The following KLHL29 variants were observed in gnomAD, a reference collection of about 807,000 sequenced individuals.
KLHL29 encodes kelch like family member 29, also known as kelch-like protein 29.
KLHL29 carries 21 observed loss-of-function variants against 80.4 expected under a neutral mutation model. The ratio of observed to expected loss-of-function variants is 0.26; its 90% CI spans 0.19 to 0.38. The LOEUF (loss-of-function observed/expected upper bound fraction) is 0.38. Among genes scored for constraint, KLHL29 ranks in the 10% least tolerant of loss-of-function variants. The probability of loss-of-function intolerance (pLI) is 1.00; values close to 1 mark genes in which losing one functional copy is unlikely to be tolerated. For synonymous variants in KLHL29, 511 were observed against 526.8 expected, an observed-to-expected ratio of 0.97 and a Z score of 0.41; for missense variants, 867 against 1,223.9, an observed-to-expected ratio of 0.71 and a Z score of 4.35.
intron 5 of KLHL29, among the ~76,000 whole-genome samples, chr2:23,683,321 C>T (rs553442895): frequency 7.9e-5 from 12 of 152,356 alleles, no homozygotes; most frequent in Admixed American, 7.2e-4. Context: ...GTCATTCTGG[C>T]CCAAGGATCA....
chr2:23,542,448 A>G (rs773479492), intron 2 of KLHL29, among the ~76,000 whole-genome samples: 3 of 152,008 alleles, frequency 2.0e-5, no homozygotes, highest in African/African-American at 2.4e-5. Flanking sequence ...CTCTCCCTCT[A>G]TCTCTTGTTC....
chr2:23,626,650 C>G lies in KLHL29; in HGVS notation c.286-12489C>G, dbSNP rs1669315444. Among the ~76,000 whole-genome samples, 3 of 152,222 alleles carry G rather than the reference C, an allele frequency of 2.0e-5. No homozygotes were observed. The South Asian group carries it at 6.2e-4, about 32-fold the overall frequency. On this transcript the variant is annotated intron_variant, in intron 3 of 13. Coordinates refer to ENST00000486442, the MANE Select transcript of KLHL29 (RefSeq NM_052920.2). ...GTGTCTCCAGAACAGGATTGCCTCT[C>G]AGTAAGTGTGGGGTGGGAGGGGGGC...
intron 3 of KLHL29, among the ~76,000 whole-genome samples, chr2:23,580,670 G>A (rs1444086439): frequency 1.5e-5 from 1 of 67,366 alleles, no homozygotes; most frequent in African/African-American, 3.6e-5. Flanking sequence ...GTGAGACTCC[G>A]TCTCATAAAA....
intron 6 of KLHL29, among the ~76,000 whole-genome samples, chr2:23,686,801 G>C (rs1001456911): frequency 1.3e-5 from 2 of 152,150 alleles, no homozygotes; most frequent in Admixed American, 1.3e-4. Flanking sequence ...GGGCTGGGGG[G>C]CCTTCAGCAT....
chr2:23,444,030 C>T (rs2103416959), intron 1 of KLHL29, among the ~76,000 whole-genome samples: 1 of 152,200 alleles, frequency 6.6e-6, no homozygotes, highest in East Asian at 1.9e-4. Context: ...GTAAGGAAGA[C>T]CTCATGTCTC....
At position 23,458,595 on chromosome 2, in the gene KLHL29, C is replaced by T. The variant is rs537240341; in HGVS notation, c.-153-16965C>T. On this transcript the variant is annotated intron_variant, in intron 1 of 13. Coordinates refer to ENST00000486442, the MANE Select transcript of KLHL29 (RefSeq NM_052920.2). Reference sequence around the variant, plus strand: ...AATTATAATTATGAACACGTGTTCTCATAGCTCTACAGCCAGGATGGTATG... The same window carrying T: ...AATTATAATTATGAACACGTGTTCTTATAGCTCTACAGCCAGGATGGTATG... 3.3e-5 allele frequency among the ~76,000 whole-genome samples: 5 copies of T among 152,324 alleles called. No individual in the cohort carries two copies. The South Asian group carries it at 1.0e-3, about 32-fold the overall frequency.
At chr2:23,592,233 A>C (rs1286727756) in intron 3 of KLHL29, among the ~76,000 whole-genome samples, 1 of 119,444 alleles carries the variant, frequency 8.4e-6, no homozygotes, top group Non-Finnish European at 1.7e-5. Flanking sequence ...GGAGCACGTC[A>C]GAAGCCCGGC....
chr2:23,597,401 A>T (rs370058997), intron 3 of KLHL29, among the ~76,000 whole-genome samples: 1 of 55,290 alleles, frequency 1.8e-5, no homozygotes, highest in Non-Finnish European at 3.4e-5. Flanking sequence ...ATATATATAT[A>T]TATATATTTT....
At chr2:23,509,829 T>C (rs1247406068) in intron 2 of KLHL29, among the ~76,000 whole-genome samples, 1 of 152,186 alleles carries the variant, frequency 6.6e-6, no homozygotes, top group African/African-American at 2.4e-5. Flanking sequence ...AGCGGCTGGG[T>C]GCTGCTTTTG....
chr2:23,509,723 A>G (rs1665713007), intron 2 of KLHL29, among the ~76,000 whole-genome samples: 1 of 152,174 alleles, frequency 6.6e-6, no homozygotes. Context: ...GAGTAATCCT[A>G]CACAAGAGAA....
At chr2:23,411,729 T>C (rs1232448704) in intron 1 of KLHL29, among the ~76,000 whole-genome samples, 1 of 152,192 alleles carries the variant, frequency 6.6e-6, no homozygotes, top group African/African-American at 2.4e-5. Context: ...TTCCCAGATG[T>C]GGGCATGGCA....
At chr2:23,564,324 G>A (rs1224577991) in intron 3 of KLHL29, among the ~76,000 whole-genome samples, 1 of 152,210 alleles carries the variant, frequency 6.6e-6, no homozygotes, top group African/African-American at 2.4e-5. Flanking sequence ...GAGAGGAAGG[G>A]AACCCAGTCT....
At chr2:23,683,343 G>A (rs75100976) in intron 5 of KLHL29, among the ~76,000 whole-genome samples, 5,846 of 152,336 alleles carry the variant, frequency 0.038, 137 homozygotes, top group Non-Finnish European at 0.049. Flanking sequence ...GGCCTCTGAC[G>A]CGCAGCTGCC....
chr2:23,551,970 G>A (rs1301949813), intron 2 of KLHL29, among the ~76,000 whole-genome samples: 1 of 152,252 alleles, frequency 6.6e-6, no homozygotes, highest in Admixed American at 6.5e-5. Flanking sequence ...GTTATAAAAT[G>A]CGAAGGTCAG....
chr2:23,526,273 G>A (rs111510542), intron 2 of KLHL29, among the ~76,000 whole-genome samples: 5 of 134,298 alleles, frequency 3.7e-5, no homozygotes, highest in African/African-American at 7.8e-5. Context: ...GTGGGCGGTC[G>A]GAGGAAGCGT....
chr2:23,550,543 G>A (rs1667098316), intron 2 of KLHL29, among the ~76,000 whole-genome samples: 1 of 152,222 alleles, frequency 6.6e-6, no homozygotes, highest in Non-Finnish European at 1.5e-5. Flanking sequence ...CGTCAACCCA[G>A]ATGCTAGTTA....
chr2:23,506,616 C>A (rs1665606168), intron 2 of KLHL29, among the ~76,000 whole-genome samples: 6 of 152,208 alleles, frequency 3.9e-5, no homozygotes, highest in Admixed American at 3.9e-4. Flanking sequence ...CTGCTGAAAT[C>A]ACACTAGGAC....
chr2:23,526,327 G>A (rs1203140712), intron 2 of KLHL29, among the ~76,000 whole-genome samples: 1 of 152,220 alleles, frequency 6.6e-6, no homozygotes, highest in East Asian at 1.9e-4. Flanking sequence ...GCATGCGGGA[G>A]GGGTGGCATC....
rs548202135 is a variant in KLHL29, at chr2:23,644,282, A to G, written c.940+1432A>G. On this transcript the variant is annotated intron_variant, in intron 5 of 13. Coordinates refer to ENST00000486442, the MANE Select transcript of KLHL29 (RefSeq NM_052920.2). Reference sequence around the variant, plus strand: ...AGCTCTGTCTCCCTTTAAAAAAAAAAAAAGAAAGAAAGAAACTTACTCCCA... The same window carrying G: ...AGCTCTGTCTCCCTTTAAAAAAAAAGAAAGAAAGAAAGAAACTTACTCCCA... 13 of 152,044 alleles carry G rather than the reference A, an allele frequency of 8.6e-5. No homozygotes were observed. In the South Asian group the frequency reaches 1.9e-3, roughly 22 times the overall value. The allele number at this position is 152,044 out of a possible 1,614,324, so 9.4% of individuals were successfully genotyped here. A position where few individuals can be genotyped will look rare whatever the true frequency, so the allele number is the denominator to read the frequency against.
Sources: allele counts gnomAD v4.1 joint callset (sites outside exome capture counted in the v4.1 genomes callset), GRCh38; gene constraint gnomAD v4.1.1; transcripts MANE v1.5; gene names NCBI Gene and HGNC (gene_info 2026-07-23, HGNC 2026-07-21).